Variants in SYCE1L observed in about 807,000 individuals in gnomAD.
The protein encoded by SYCE1L is synaptonemal complex central element protein 1 like, also known as synaptonemal complex central element protein 1-like.
In SYCE1L, 51 loss-of-function variants were observed where a neutral mutation model predicts 39.6. That is an observed-to-expected ratio of 1.29 (90% CI 1.03 to 1.63). The LOEUF is 1.63. Among genes scored for constraint, SYCE1L ranks in the 40% most tolerant of loss-of-function variants. SYCE1L has a pLI of 0.00. For synonymous variants in SYCE1L, 147 were observed against 122.4 expected, an observed-to-expected ratio of 1.20 and a Z score of -1.33; for missense variants, 426 against 304.9, an observed-to-expected ratio of 1.40 and a Z score of -2.96.
intron 1 of SYCE1L, chr16:77,200,291 T>TATATATATATATACACAC: frequency 3.6e-5 from 4 of 111,428 alleles, no homozygotes; most frequent in African/African-American, 1.3e-4. Context: ...TATATATATA[T>TATATATATATATACACAC]ACACACACTA....
intron 1 of SYCE1L, among the ~76,000 whole-genome samples, chr16:77,205,149 T>C (rs2054777273): frequency 1.3e-5 from 2 of 151,908 alleles, no homozygotes; most frequent in East Asian, 3.9e-4. Context: ...GCTAGTGGCC[T>C]CTGAGGAGGA....
chr16:77,208,517 C>G lies in SYCE1L; in HGVS notation c.234C>G (p.Ala78=), dbSNP rs547843749. 2.6e-6 allele frequency: 4 copies of G among 1,551,656 alleles called. No homozygotes were observed. In the African/African-American group the frequency reaches 5.5e-5, roughly 21 times the overall value. ...ELRETHSLWE[A]LHRELDSLNG... ...GAGAGACCCACAGTCTCTGGGAGGC[C>G]CTGCATAGGGAATTAGACTCCTGTA... The change falls in exon 4 of 11, where the codon GCC becomes GCG. Residue 78 remains alanine (A), a synonymous_variant. Coordinates refer to ENST00000378644, the MANE Select transcript of SYCE1L (RefSeq NM_001129979.3).
chr16:77,201,241 A>G (rs1293737966), intron 1 of SYCE1L: 2 of 152,256 alleles, frequency 1.3e-5, no homozygotes, highest in Admixed American at 6.5e-5. Flanking sequence ...CCAGCATTCA[A>G]CAAAAGACAG....
At position 77,212,844 on chromosome 16, in the gene SYCE1L, C is replaced by G; in HGVS notation, c.655-13C>G. 1.4e-6 allele frequency: 2 copies of G among 1,480,366 alleles called. No homozygotes were observed. The highest frequency in any genetic ancestry group is 1.4e-5 in the African/African-American group (1 of 70,238). 91.7% of individuals were successfully genotyped at this position (1,480,366 alleles called of 1,614,324 possible). On this transcript the variant is annotated splice_polypyrimidine_tract_variant and intron_variant, in intron 10 of 10. Coordinates refer to ENST00000378644, the MANE Select transcript of SYCE1L (RefSeq NM_001129979.3). Reference sequence around the variant, plus strand: ...TAGGAACCTGGTCCGCAGCCTCACCCAGCCCCCGGCAGGCCGGACCTGAGC... The same window carrying G: ...TAGGAACCTGGTCCGCAGCCTCACCGAGCCCCCGGCAGGCCGGACCTGAGC...
At chr16:77,206,867 A>G (rs1395077101) in intron 2 of SYCE1L, among the ~76,000 whole-genome samples, 1 of 152,182 alleles carries the variant, frequency 6.6e-6, no homozygotes, top group Non-Finnish European at 1.5e-5. Context: ...ACAAATGGAA[A>G]TGCAGTTGGT....
intron 1 of SYCE1L, chr16:77,201,287 T>C (rs2054739880): frequency 1.3e-5 from 2 of 152,230 alleles, no homozygotes; most frequent in Admixed American, 1.3e-4. Flanking sequence ...ATCTCATTTA[T>C]TAACTGTGTA....
intron 1 of SYCE1L, 87 bp from the exon 2 acceptor site, chr16:77,206,354 T>C: frequency 8.1e-7 from 1 of 1,228,164 alleles, no homozygotes; most frequent in South Asian, 1.3e-5. Flanking sequence ...CACGGGTGTC[T>C]GCAGAGCCCA....
At chr16:77,210,113 C>T (rs557481485) in intron 6 of SYCE1L, among the ~76,000 whole-genome samples, 3 of 152,250 alleles carry the variant, frequency 2.0e-5, no homozygotes, top group African/African-American at 7.2e-5. Flanking sequence ...GCAACTCACA[C>T]ATCCAGTCAA....
chr16:77,212,104 G>A (rs2054826686), intron 7 of SYCE1L, 26 bp from the exon 8 acceptor site: 1 of 1,542,468 alleles, frequency 6.5e-7, no homozygotes, highest in Admixed American at 2.0e-5. Context: ...CGGCCAAACG[G>A]GGAGGCCTCC....
At chr16:77,204,203 CGTCTAGGTAGT>C (rs1483714554) in intron 1 of SYCE1L, among the ~76,000 whole-genome samples, 1 of 152,136 alleles carries the variant, frequency 6.6e-6, no homozygotes, top group African/African-American at 2.4e-5. Flanking sequence ...CACCAGGTAG[CGTCTAGGTAGT>C]ACTCTATGTG....
At chr16:77,211,308 C>T (rs776195639) in intron 7 of SYCE1L, 32 bp downstream of exon 7, 1 of 1,551,584 alleles carries the variant, frequency 6.4e-7, no homozygotes, top group South Asian at 1.2e-5. Context: ...CAACCAAAGC[C>T]ACTCCTCCCT....
Position 77,213,127 on chromosome 16 carries a change from G to T in SYCE1L, c.*196G>T. ...GAGCCCCGGGCGCCGTACAGAGGCT[G>T]GGTAAATGCTCCTGAACTCAGAGAG... On this transcript the variant is annotated 3_prime_UTR_variant, in exon 11 of 11. Coordinates refer to ENST00000378644, the MANE Select transcript of SYCE1L (RefSeq NM_001129979.3). The T allele has an allele frequency of 2.1e-6, 1 of 472,008 alleles. No individual in the cohort carries two copies. The highest frequency in any genetic ancestry group is 4.0e-5 in the Admixed American group (1 of 25,242). The allele number at this position is 472,008 out of a possible 1,614,324, so 29.2% of individuals were successfully genotyped here.
intron 3 of SYCE1L, 27 bp from the exon 4 acceptor site, chr16:77,208,438 C>CAGT: frequency 6.4e-7 from 1 of 1,551,116 alleles, no homozygotes; most frequent in Non-Finnish European, 8.7e-7. Context: ...TACACTCATA[C>CAGT]AGTGTCTTTT....
chr16:77,200,256 G>GTATATATATATATGTATATATA (rs2054719886), intron 1 of SYCE1L: 2 of 83,634 alleles, frequency 2.4e-5, no homozygotes, highest in African/African-American at 3.7e-5. Flanking sequence ...ATGTATATGT[G>GTATATATATATATGTATATATA]TATATATATA....
intron 1 of SYCE1L, among the ~76,000 whole-genome samples, chr16:77,205,433 A>AATATATATATATATATATATGT (rs145238524): frequency 4.7e-4 from 68 of 145,294 alleles, no homozygotes; most frequent in East Asian, 1.2e-3. Context: ...CATAGAAGTA[A>AATATATATATATATATATATGT]ATATATATAT....
At chr16:77,209,356 C>T (rs1188827949) in intron 5 of SYCE1L, 61 bp from the exon 6 acceptor site, 2 of 1,537,456 alleles carry the variant, frequency 1.3e-6, no homozygotes, top group South Asian at 1.2e-5. Flanking sequence ...GGCCTATTAC[C>T]TCTGGCCAAC....
intron 7 of SYCE1L, 122 bp from the exon 8 acceptor site, chr16:77,212,008 A>G (rs2054825920): frequency 1.8e-6 from 2 of 1,122,278 alleles, no homozygotes; most frequent in Non-Finnish European, 2.5e-6. Context: ...GAGTTAATAA[A>G]TAGTTGAATG....
At chr16:77,206,855 A>C (rs1312824773) in intron 2 of SYCE1L, among the ~76,000 whole-genome samples, 1 of 152,034 alleles carries the variant, frequency 6.6e-6, no homozygotes, top group Non-Finnish European at 1.5e-5. Flanking sequence ...CCCTTTTTAC[A>C]CACAAATGGA....
intron 6 of SYCE1L, among the ~76,000 whole-genome samples, chr16:77,210,491 T>A (rs537439520): frequency 1.3e-5 from 2 of 152,312 alleles, no homozygotes; most frequent in South Asian, 4.1e-4. Context: ...TATGCTCATT[T>A]ATGTACCTAA....
Sources: gnomAD v4.1 joint callset for allele counts (sites outside exome capture counted in the v4.1 genomes callset) on GRCh38, gnomAD v4.1.1 for gene constraint, MANE v1.5 for transcripts, NCBI Gene and HGNC (gene_info 2026-07-23, HGNC 2026-07-21) for gene names.